The following CPPED1 variants were observed in gnomAD, a reference collection of about 807,000 sequenced individuals.
CPPED1 encodes the protein calcineurin like phosphoesterase domain containing 1.
A neutral mutation model predicts 28.0 loss-of-function variants in CPPED1; 28 were observed. That is an observed-to-expected ratio of 1.00 (90% CI 0.74 to 1.37). The LOEUF (loss-of-function observed/expected upper bound fraction) is 1.37, where lower values mean the gene tolerates loss of function less well. Ranked by LOEUF, CPPED1 falls within the 40% of genes most tolerant of loss-of-function variation. The probability of loss-of-function intolerance (pLI) is 0.00; values close to 1 mark genes in which losing one functional copy is unlikely to be tolerated. For synonymous variants in CPPED1, 198 were observed against 180.2 expected (o/e 1.10, Z -0.79); for missense variants, 504 against 416.5 (o/e 1.21, Z -1.83).
chr16:12,749,587 A>G (rs2080313930), intron 2 of CPPED1, among the ~76,000 whole-genome samples: 1 of 151,726 alleles, frequency 6.6e-6, no homozygotes, highest in South Asian at 2.1e-4. Context: ...ACGAATCACA[A>G]ATTTTGTTTG....
At chr16:12,774,811 TTG>T (rs1224400389) in intron 2 of CPPED1, among the ~76,000 whole-genome samples, 1 of 151,918 alleles carries the variant, frequency 6.6e-6, no homozygotes, top group Non-Finnish European at 1.5e-5. Context: ...GGGTGCTTTT[TTG>T]TGTGTTTTTT....
intron 2 of CPPED1, among the ~76,000 whole-genome samples, chr16:12,727,478 G>A (rs771995600): frequency 3.3e-5 from 5 of 151,972 alleles, no homozygotes; most frequent in Non-Finnish European, 7.4e-5. Context: ...TCAGCCTCTC[G>A]AGTAGCTGAG....
chr16:12,687,078 T>C (rs11860362), intron 3 of CPPED1, among the ~76,000 whole-genome samples: 2,271 of 152,250 alleles, frequency 0.015, 48 homozygotes, highest in African/African-American at 0.051. Context: ...TGTATCATAA[T>C]CTCAATTTTG....
chr16:12,787,764 C>T (rs2080573148), intron 1 of CPPED1, among the ~76,000 whole-genome samples: 1 of 152,160 alleles, frequency 6.6e-6, no homozygotes, highest in Non-Finnish European at 1.5e-5. Flanking sequence ...GTTAATTTAG[C>T]TGTCTACTGC....
intron 2 of CPPED1, among the ~76,000 whole-genome samples, chr16:12,747,241 G>A (rs1322681966): frequency 1.3e-5 from 2 of 151,818 alleles, no homozygotes; most frequent in African/African-American, 4.8e-5. Flanking sequence ...ACCAGCCTGG[G>A]CAACATGGCA....
rs2079788216 is a variant in CPPED1 at position 12,660,513 on chromosome 16, G to C, written c.*4373C>G. ...TTTTACTATATGTGTGTGTGTGTGT[G>C]TGTGTGTGTGTGTGTGTGTGTACTC... On this transcript the variant is annotated 3_prime_UTR_variant, in exon 4 of 4. Coordinates refer to ENST00000381774, the MANE Select transcript of CPPED1 (RefSeq NM_018340.3). 6.6e-6 allele frequency: 1 copy of C among 151,812 alleles called. No individual in the cohort carries two copies. The highest frequency in any genetic ancestry group is 6.6e-5 in the Admixed American group (1 of 15,230). The allele number at this position is 151,812 out of a possible 1,614,324, so 9.4% of individuals were successfully genotyped here. A position where few individuals can be genotyped will look rare whatever the true frequency, so the allele number is the denominator to read the frequency against.
In CPPED1 at chr16:12,720,710, T is replaced by A. The variant is rs181172272; in HGVS notation, c.290-15661A>T. Among the ~76,000 whole-genome samples, 3 of 152,310 alleles carry A rather than the reference T, an allele frequency of 2.0e-5. 1 individual carries two copies. The highest frequency in any genetic ancestry group is 2.0e-4 in the Admixed American group (3 of 15,294). On this transcript the variant is annotated intron_variant, in intron 2 of 3. Coordinates refer to ENST00000381774, the MANE Select transcript of CPPED1 (RefSeq NM_018340.3). ...ACCATGTTGGCCAGGCTGGTTGACC[T>A]CAGGTGATCTGCCCGTCTTGGCCTT...
intron 3 of CPPED1, among the ~76,000 whole-genome samples, chr16:12,668,549 G>C (rs2079837866): frequency 6.6e-6 from 1 of 152,122 alleles, no homozygotes; most frequent in South Asian, 2.1e-4. Flanking sequence ...AAAGTGAAAA[G>C]ACAACCCATG....
chr16:12,700,203 G>A (rs1464656969), intron 3 of CPPED1, among the ~76,000 whole-genome samples: 1 of 152,206 alleles, frequency 6.6e-6, no homozygotes, highest in Admixed American at 6.5e-5. Flanking sequence ...AGCAGGTTTA[G>A]GTGAAGACCC....
rs1188184746 is a variant in CPPED1 at position 12,682,619 on chromosome 16, C to A, written c.716-17504G>T. ...GGAAGGCAAGACTAGTATCAACCAT[C>A]CCCAGGGCCACTGGGAAGATAAGTG... On this transcript the variant is annotated intron_variant, in intron 3 of 3. Coordinates refer to ENST00000381774, the MANE Select transcript of CPPED1 (RefSeq NM_018340.3). The surrounding 1 kb of genome is among the most constrained non-coding windows in gnomAD (Gnocchi z 6.1). 1.3e-5 allele frequency among the ~76,000 whole-genome samples: 2 copies of A among 152,166 alleles called. No individual in the cohort carries two copies. The highest frequency in any genetic ancestry group is 6.5e-5 in the Admixed American group (1 of 15,274).
At chr16:12,752,377 C>G (rs1231433823) in intron 2 of CPPED1, among the ~76,000 whole-genome samples, 2 of 151,984 alleles carry the variant, frequency 1.3e-5, no homozygotes, top group African/African-American at 2.4e-5. Context: ...TTATCTCCTA[C>G]TCTACCACAC....
chr16:12,726,924 T>A (rs1223698042), intron 2 of CPPED1, among the ~76,000 whole-genome samples: 2 of 151,944 alleles, frequency 1.3e-5, no homozygotes. Flanking sequence ...TGGGAGAGGG[T>A]GGTGAATGGG....
intron 2 of CPPED1, among the ~76,000 whole-genome samples, chr16:12,720,628 C>CATAA (rs922603936): frequency 1.1e-4 from 17 of 152,294 alleles, no homozygotes; most frequent in African/African-American, 3.8e-4. Context: ...TCTGGTACTA[C>CATAA]AGGTGTGCAC....
At chr16:12,668,310 T>A (rs1185458617) in intron 3 of CPPED1, among the ~76,000 whole-genome samples, 1 of 152,196 alleles carries the variant, frequency 6.6e-6, no homozygotes, top group East Asian at 1.9e-4. Flanking sequence ...TATTTTTTAA[T>A]GTTAAAAGTG....
chr16:12,741,366 C>T (rs1015401545), intron 2 of CPPED1, among the ~76,000 whole-genome samples: 1 of 145,848 alleles, frequency 6.9e-6, no homozygotes, highest in African/African-American at 2.6e-5. Context: ...GCTGAGGAGG[C>T]TCACATGTGA....
At chr16:12,719,599 G>A (rs1472165857) in intron 2 of CPPED1, among the ~76,000 whole-genome samples, 1 of 152,080 alleles carries the variant, frequency 6.6e-6, no homozygotes, top group Non-Finnish European at 1.5e-5. Flanking sequence ...CTATATATAG[G>A]ATTTGATTTT....
At chr16:12,760,605 G>A (rs1292739250) in intron 2 of CPPED1, 1 of 152,128 alleles carries the variant, frequency 6.6e-6, no homozygotes, top group Non-Finnish European at 1.5e-5. Context: ...AGCAGGCCTA[G>A]GCATCGAAAA....
At chr16:12,731,962 A>G (rs1257266548) in intron 2 of CPPED1, among the ~76,000 whole-genome samples, 1 of 151,992 alleles carries the variant, frequency 6.6e-6, no homozygotes, top group African/African-American at 2.4e-5. Flanking sequence ...CAGGTGTTGG[A>G]GACCAGCCTG....
At chr16:12,773,195 T>G (rs1398261199) in intron 2 of CPPED1, among the ~76,000 whole-genome samples, 4 of 152,154 alleles carry the variant, frequency 2.6e-5, no homozygotes, top group Non-Finnish European at 2.9e-5. Flanking sequence ...TGTGTGGCCG[T>G]TTTCCTGAAC....
Sources: allele counts gnomAD v4.1 joint callset (sites outside exome capture counted in the v4.1 genomes callset), GRCh38; gene constraint gnomAD v4.1.1; non-coding constraint Gnocchi (gnomAD v3.1); transcripts MANE v1.5; gene names NCBI Gene and HGNC (gene_info 2026-07-23, HGNC 2026-07-21).